The following RPS6KC1 variants were observed in gnomAD, a reference collection of about 807,000 sequenced individuals.
The protein encoded by RPS6KC1 is ribosomal protein S6 kinase C1.
A neutral mutation model predicts 103.8 loss-of-function variants in RPS6KC1; 54 were observed. The ratio of observed to expected loss-of-function variants is 0.52; its 90% CI spans 0.42 to 0.65. The LOEUF (loss-of-function observed/expected upper bound fraction) is 0.65, where lower values mean the gene tolerates loss of function less well. Among genes scored for constraint, RPS6KC1 ranks in the 30% least tolerant of loss-of-function variants. The probability of loss-of-function intolerance (pLI) is 0.00; values close to 1 mark genes in which losing one functional copy is unlikely to be tolerated. For missense variants in RPS6KC1, 1,151 were observed against 1,253.8 expected, an observed-to-expected ratio of 0.92 and a Z score of 1.24; for synonymous variants, 439 against 438.7, an observed-to-expected ratio of 1.00 and a Z score of -0.01.
the RPS6KC1 span, among the ~76,000 whole-genome samples, chr1:213,664,756 A>G: frequency 6.6e-6 from 1 of 152,222 alleles, no homozygotes; most frequent in Non-Finnish European, 1.5e-5. Flanking sequence ...AGGAAAGGAT[A>G]GCAATAATTA....
At chr1:213,643,649 G>A in the RPS6KC1 span, among the ~76,000 whole-genome samples, 1 of 151,496 alleles carries the variant, frequency 6.6e-6, no homozygotes, top group South Asian at 2.1e-4. Flanking sequence ...TTATTTTGTT[G>A]TATTGACTAG....
chr1:213,483,787 T>C, the RPS6KC1 span, among the ~76,000 whole-genome samples: 1 of 152,236 alleles, frequency 6.6e-6, no homozygotes, highest in Non-Finnish European at 1.5e-5. Context: ...AGTGGAGTTA[T>C]TGGCTTCAAA....
chr1:213,362,267 T>A, the RPS6KC1 span, among the ~76,000 whole-genome samples: 1 of 152,144 alleles, frequency 6.6e-6, no homozygotes, highest in East Asian at 1.9e-4. Flanking sequence ...TGGAAGAACA[T>A]CATGGAGAGT....
chr1:213,600,458 T>A, the RPS6KC1 span, among the ~76,000 whole-genome samples: 1 of 152,192 alleles, frequency 6.6e-6, no homozygotes, highest in Non-Finnish European at 1.5e-5. Context: ...GGAACATAAC[T>A]TGTTTTTCTA....
chr1:213,806,198 G>C, the RPS6KC1 span, among the ~76,000 whole-genome samples: 3 of 152,140 alleles, frequency 2.0e-5, no homozygotes, highest in African/African-American at 7.2e-5. Context: ...CAGGCGTGGT[G>C]GTGGGCACCT....
intron 3 of RPS6KC1, among the ~76,000 whole-genome samples, chr1:213,088,882 G>C (rs1445642221): frequency 6.6e-6 from 1 of 152,160 alleles, no homozygotes; most frequent in East Asian, 1.9e-4. Flanking sequence ...CTTGACACTT[G>C]CTTCCTCAGT....
chr1:213,600,312 TAGAC>T, the RPS6KC1 span, among the ~76,000 whole-genome samples: 3 of 152,174 alleles, frequency 2.0e-5, no homozygotes, highest in Admixed American at 6.5e-5. Flanking sequence ...TCCCTCTTAA[TAGAC>T]AGAAAGTTCA....
the RPS6KC1 span, among the ~76,000 whole-genome samples, chr1:213,674,811 A>T: frequency 0.65 from 98,171 of 151,898 alleles, 32,221 homozygotes; most frequent in South Asian, 0.82. Context: ...TCTTTTTTTT[A>T]ACTTTTTAAT....
chr1:213,382,833 C>G, the RPS6KC1 span, among the ~76,000 whole-genome samples: 1 of 152,212 alleles, frequency 6.6e-6, no homozygotes, highest in Non-Finnish European at 1.5e-5. Flanking sequence ...TCCCTAAGTG[C>G]TTGCCTGGTG....
chr1:213,228,889 G>T (rs2094022420), intron 8 of RPS6KC1, among the ~76,000 whole-genome samples: 1 of 152,154 alleles, frequency 6.6e-6, no homozygotes, highest in Non-Finnish European at 1.5e-5. Flanking sequence ...AGGTAGAATT[G>T]ATTTGATTGA....
At chr1:213,073,420 C>A (rs1227110900) in intron 2 of RPS6KC1, among the ~76,000 whole-genome samples, 1 of 152,184 alleles carries the variant, frequency 6.6e-6, no homozygotes, top group African/African-American at 2.4e-5. Context: ...GCTAAAAGAT[C>A]TGTGGCCTGT....
At chr1:213,425,624 A>G in the RPS6KC1 span, among the ~76,000 whole-genome samples, 1 of 152,174 alleles carries the variant, frequency 6.6e-6, no homozygotes. Flanking sequence ...GGCAAGGCGC[A>G]CACCCAGCTA....
At chr1:213,428,522 T>TCCTTCCTCTC in the RPS6KC1 span, among the ~76,000 whole-genome samples, 3 of 45,844 alleles carry the variant, frequency 6.5e-5, no homozygotes, top group Admixed American at 2.8e-4. Context: ...TCCTTCCTCT[T>TCCTTCCTCTC]TCTCTCTCTC....
At chr1:213,368,477 C>T in the RPS6KC1 span, among the ~76,000 whole-genome samples, 1 of 152,058 alleles carries the variant, frequency 6.6e-6, no homozygotes, top group African/African-American at 2.4e-5. Context: ...GAGGGGGCTC[C>T]TATAAGAAAC....
At chr1:213,542,690 A>T in the RPS6KC1 span, among the ~76,000 whole-genome samples, 1 of 152,336 alleles carries the variant, frequency 6.6e-6, no homozygotes, top group East Asian at 1.9e-4. Flanking sequence ...ATGTCTTGAG[A>T]GCAACAGGGC....
the RPS6KC1 span, among the ~76,000 whole-genome samples, chr1:213,694,887 C>A: frequency 3.1e-4 from 47 of 152,222 alleles, no homozygotes; most frequent in African/African-American, 7.9e-4. Context: ...GCAGGAAAAC[C>A]AGGTAGGTTC....
At chr1:213,672,455 T>C in the RPS6KC1 span, among the ~76,000 whole-genome samples, 1 of 152,230 alleles carries the variant, frequency 6.6e-6, no homozygotes, top group Non-Finnish European at 1.5e-5. Flanking sequence ...ATCTTTACCA[T>C]AGAGGACCTG....
At chr1:213,122,916 A>G (rs994699886) in intron 5 of RPS6KC1, among the ~76,000 whole-genome samples, 40 of 152,298 alleles carry the variant, frequency 2.6e-4, no homozygotes, top group African/African-American at 9.4e-4. Flanking sequence ...AATGATACAC[A>G]TGACACTGAT....
intron 1 of RPS6KC1, among the ~76,000 whole-genome samples, chr1:213,055,769 A>G (rs1432073662): frequency 6.6e-6 from 1 of 152,234 alleles, no homozygotes; most frequent in Non-Finnish European, 1.5e-5. Context: ...AATGTAGATG[A>G]ATTTCAGAAG....
Sources: allele counts gnomAD v4.1 joint callset (sites outside exome capture counted in the v4.1 genomes callset), GRCh38; gene constraint gnomAD v4.1.1; transcripts MANE v1.5; gene names NCBI Gene and HGNC (gene_info 2026-07-23, HGNC 2026-07-21).